Variants in AAK1 observed in about 807,000 individuals in gnomAD.
AAK1 encodes AP2-associated protein kinase 1.
Under a neutral mutation model 116.0 loss-of-function variants are expected in AAK1, and 37 were observed. The observed-to-expected ratio is 0.32, with a 90% CI of 0.25 to 0.42. The LOEUF is 0.42. Among genes scored for constraint, AAK1 ranks in the 10% least tolerant of loss-of-function variants. The probability of loss-of-function intolerance (pLI) is 1.00; values close to 1 mark genes in which losing one functional copy is unlikely to be tolerated. For missense variants in AAK1, 919 were observed against 1,170.6 expected (o/e 0.79, Z 3.14); for synonymous variants, 458 against 439.9 (o/e 1.04, Z -0.51).
rs1225294404 is a variant in AAK1 at position 69,460,420 on chromosome 2, G to T, written c.*15449C>A. 1 of 152,534 alleles carries T rather than the reference G, an allele frequency of 6.6e-6. No homozygotes were observed. The highest frequency in any genetic ancestry group is 2.4e-5 in the African/African-American group (1 of 41,406). 9.4% of individuals were successfully genotyped at this position (152,534 alleles called of 1,614,324 possible). ...AATTTCCTTGTCAGATCACTCTGATGATTATAATCTGCTACTTTGATTATG... is the reference window on the plus strand; with the variant it reads ...AATTTCCTTGTCAGATCACTCTGATTATTATAATCTGCTACTTTGATTATG... On this transcript the variant is annotated 3_prime_UTR_variant, in exon 22 of 22. Coordinates refer to ENST00000409085, the MANE Select transcript of AAK1 (RefSeq NM_014911.5).
intron 5 of AAK1, among the ~76,000 whole-genome samples, chr2:69,533,307 ACT>A: frequency 6.6e-6 from 1 of 152,292 alleles, no homozygotes. Flanking sequence ...ACCAAAAAAC[ACT>A]GTGTAGGTGT....
chr2:69,466,472 C>T lies in AAK1; in HGVS notation c.*9397G>A, dbSNP rs959432291. Reference sequence around the variant, plus strand: ...GTACTCTGGAGGGGTCTGGATACAGCGGAAGGCCTTTAACACCCAGTGATT... The same window carrying T: ...GTACTCTGGAGGGGTCTGGATACAGTGGAAGGCCTTTAACACCCAGTGATT... On this transcript the variant is annotated 3_prime_UTR_variant, in exon 22 of 22. Transcript: ENST00000409085. 1.5e-5 allele frequency: 19 copies of T among 1,277,832 alleles called. No individual in the cohort carries two copies. Among genetic ancestry groups the T allele is most frequent in the African/African-American group, 1.1e-4 (7 of 65,504 alleles). 79.2% of individuals were successfully genotyped at this position (1,277,832 alleles called of 1,614,324 possible). A position where few individuals can be genotyped will look rare whatever the true frequency, so the allele number is the denominator to read the frequency against.
At chr2:69,524,412 TTTTTGTTTTGTTTTG>T (rs72095421) in intron 10 of AAK1, among the ~76,000 whole-genome samples, 21 of 148,574 alleles carry the variant, frequency 1.4e-4, no homozygotes, top group East Asian at 4.0e-4. Context: ...CAACATTCTT[TTTTTGTTTTGTTTTG>T]TTTTGTTTTG....
chr2:69,595,392 A>G (rs913149791), intron 2 of AAK1, among the ~76,000 whole-genome samples: 2 of 152,266 alleles, frequency 1.3e-5, no homozygotes, highest in African/African-American at 4.8e-5. Context: ...TTGGGATTAC[A>G]GGCGTGAGCC....
At chr2:69,547,016 T>A (rs1369231556) in intron 3 of AAK1, among the ~76,000 whole-genome samples, 1 of 152,164 alleles carries the variant, frequency 6.6e-6, no homozygotes, top group African/African-American at 2.4e-5. Context: ...ACTCAACTGA[T>A]TTTTGACAAG....
chr2:69,512,140 G>A (rs1676418775), intron 13 of AAK1, among the ~76,000 whole-genome samples: 1 of 152,128 alleles, frequency 6.6e-6, no homozygotes, highest in Non-Finnish European at 1.5e-5. Flanking sequence ...GAAAGTGGGA[G>A]GAGGGACAGA....
Position 69,643,604 on chromosome 2 carries a change from T to C in AAK1, c.-264A>G. 1 of 1,228,298 alleles carries C rather than the reference T, an allele frequency of 8.1e-7. No homozygotes were observed. Among genetic ancestry groups the C allele is most frequent in the Non-Finnish European group, 1.0e-6 (1 of 985,918 alleles). The allele number at this position is 1,228,298 out of a possible 1,614,324, so 76.1% of individuals were successfully genotyped here. A position where few individuals can be genotyped will look rare whatever the true frequency, so the allele number is the denominator to read the frequency against. ...GACGGCTCGGCGGCCGGCGCCCTGC[T>C]ACCAGCCCCGCGACATTGTCACGGC... On this transcript the variant is annotated 5_prime_UTR_variant, in exon 1 of 22. An upstream open reading frame in the 5' UTR loses its in-frame stop. Transcript: ENST00000409085.
chr2:69,480,753 A>T, intron 19 of AAK1, 107 bp downstream of exon 19: 1 of 853,782 alleles, frequency 1.2e-6, no homozygotes, highest in Non-Finnish European at 1.8e-6. Context: ...AGGAGGAACT[A>T]CCTGGGCTTC....
At position 69,514,741 on chromosome 2, in the gene AAK1, T is replaced by A. The variant is rs1676515532; in HGVS notation, c.1506A>T (p.Ala502=). ...CTGGTTTCTGGGTTGCTGGATGTAC[T>A]GCCTGAAACTGAGCAAGAAATGAGG... is the stretch of plus-strand genomic sequence containing the variant. ...QQQAQTQQFQ[A]VHPATQKPAI... The change falls in exon 13 of 22, where the codon GCA becomes GCT. Residue 502 remains alanine (A), a synonymous_variant. Coordinates refer to ENST00000409085, the MANE Select transcript of AAK1 (RefSeq NM_014911.5). The A allele has an allele frequency of 6.3e-7, 1 of 1,586,906 alleles. No homozygotes were observed. Among genetic ancestry groups the A allele is most frequent in the African/African-American group, 1.3e-5 (1 of 74,312 alleles).
At chr2:69,541,375 C>A (rs1229110236) in intron 5 of AAK1, among the ~76,000 whole-genome samples, 4 of 151,766 alleles carry the variant, frequency 2.6e-5, no homozygotes, top group Non-Finnish European at 5.9e-5. Context: ...GGACTATAGG[C>A]ATGCGCTACT....
chr2:69,497,490 C>T (rs537897803), intron 16 of AAK1, among the ~76,000 whole-genome samples: 11 of 151,532 alleles, frequency 7.3e-5, no homozygotes, highest in Non-Finnish European at 8.8e-5. Context: ...TTAGTAGAGA[C>T]GGGGTTTTAC....
rs563370990 is a variant in AAK1, at chr2:69,484,510, C to T, written c.2366-1698G>A. On this transcript the variant is annotated intron_variant, in intron 17 of 21. Coordinates refer to ENST00000409085, the MANE Select transcript of AAK1 (RefSeq NM_014911.5). Reference sequence around the variant, plus strand: ...TCGTTTATATTAAAAAAAGGAAGGACGGCTGGGTGCAGTGGCTCACGCCTG... The same window carrying T: ...TCGTTTATATTAAAAAAAGGAAGGATGGCTGGGTGCAGTGGCTCACGCCTG... 2.4e-4 allele frequency among the ~76,000 whole-genome samples: 37 copies of T among 152,102 alleles called. No homozygotes were observed. In the South Asian group the frequency reaches 7.1e-3, roughly 29 times the overall value.
intron 2 of AAK1, among the ~76,000 whole-genome samples, chr2:69,564,613 T>C (rs571794069): frequency 6.6e-6 from 1 of 152,210 alleles, no homozygotes; most frequent in Non-Finnish European, 1.5e-5. Context: ...TATGCCCCGC[T>C]TCACCTTGAG....
intron 2 of AAK1, among the ~76,000 whole-genome samples, chr2:69,600,623 G>C (rs1673534255): frequency 6.6e-6 from 1 of 152,198 alleles, no homozygotes; most frequent in Non-Finnish European, 1.5e-5. Flanking sequence ...TTCTTGAGAT[G>C]AATCTCCTCC....
rs1294791387 is a variant in AAK1, at chr2:69,468,806, G to A, written c.*7063C>T. The A allele has an allele frequency of 2.0e-6, 2 of 985,260 alleles. No individual in the cohort carries two copies. Among genetic ancestry groups the A allele is most frequent in the Non-Finnish European group, 2.4e-6 (2 of 829,944 alleles). The allele number at this position is 985,260 out of a possible 1,614,324, so 61.0% of individuals were successfully genotyped here. On this transcript the variant is annotated 3_prime_UTR_variant, in exon 22 of 22. Coordinates refer to ENST00000409085, the MANE Select transcript of AAK1 (RefSeq NM_014911.5). Reference sequence around the variant, plus strand: ...TGTGTATGTGCCCATATTCAGGGTTGGAGAGGATGGAAGAACATGTCTAAC... The same window carrying A: ...TGTGTATGTGCCCATATTCAGGGTTAGAGAGGATGGAAGAACATGTCTAAC...
intron 13 of AAK1, 80 bp downstream of exon 13, chr2:69,514,391 C>T: frequency 6.9e-7 from 1 of 1,448,886 alleles, no homozygotes; most frequent in Non-Finnish European, 9.1e-7. Flanking sequence ...TCAGCTGCTG[C>T]CATCTTTCCC....
chr2:69,476,725 T>A (rs1240174655), intron 21 of AAK1, among the ~76,000 whole-genome samples, 155 bp downstream of exon 21: 1 of 152,162 alleles, frequency 6.6e-6, no homozygotes, highest in Non-Finnish European at 1.5e-5. Context: ...CCTATCTCTA[T>A]CTATCTCTAT....
At chr2:69,568,126 C>T (rs866973272) in intron 2 of AAK1, among the ~76,000 whole-genome samples, 1 of 152,148 alleles carries the variant, frequency 6.6e-6, no homozygotes, top group African/African-American at 2.4e-5. Context: ...CAAGCTGTGG[C>T]TCTGATCATT....
chr2:69,485,847 T>C (rs1200515038), intron 17 of AAK1, among the ~76,000 whole-genome samples: 2 of 151,844 alleles, frequency 1.3e-5, no homozygotes, highest in African/African-American at 4.8e-5. Flanking sequence ...TTAGCAGAGA[T>C]GGGGTTTCAC....
Sources: gnomAD v4.1 joint callset for allele counts (sites outside exome capture counted in the v4.1 genomes callset) on GRCh38, gnomAD v4.1.1 for gene constraint, MANE v1.5 for transcripts, NCBI Gene and HGNC (gene_info 2026-07-23, HGNC 2026-07-21) for gene names.